The following AGAP1 variants were observed in gnomAD, a reference collection of about 807,000 sequenced individuals.
AGAP1 encodes the protein ArfGAP with GTPase domain, ankyrin repeat and PH domain 1.
In AGAP1, 29 loss-of-function variants were observed where a neutral mutation model predicts 105.3. That is an observed-to-expected ratio of 0.28 (90% CI 0.21 to 0.38). The LOEUF (loss-of-function observed/expected upper bound fraction) is 0.38. Among genes scored for constraint, AGAP1 ranks in the 10% least tolerant of loss-of-function variants. The pLI is 1.00. For synonymous variants in AGAP1, 509 were observed against 485.9 expected (o/e 1.05, Z -0.63); for missense variants, 998 against 1,165.1 (o/e 0.86, Z 2.09).
rs998048018 is a variant in AGAP1 at position 236,045,797 on chromosome 2, C to T, written c.1892-3262C>T. On this transcript the variant is annotated intron_variant, in intron 15 of 17. Coordinates refer to ENST00000304032, the MANE Select transcript of AGAP1 (RefSeq NM_001037131.3). The surrounding 1 kb of genome is among the most constrained non-coding windows in gnomAD (Gnocchi z 6.9). ...CAGTGGTGATGCTTAGATACCAACC[C>T]TTGCCGATGAGTCATTCTCTGCTGG... 7.8e-6 allele frequency: 3 copies of T among 385,316 alleles called. No individual in the cohort carries two copies. Among genetic ancestry groups the T allele is most frequent in the South Asian group, 3.8e-5 (2 of 52,248 alleles). The allele number at this position is 385,316 out of a possible 1,614,324, so 23.9% of individuals were successfully genotyped here.
chr2:236,108,626 G>A (rs899832254), intron 16 of AGAP1, among the ~76,000 whole-genome samples: 1 of 152,148 alleles, frequency 6.6e-6, no homozygotes, highest in African/African-American at 2.4e-5. Context: ...AGAGAGAGGG[G>A]GTTCCAATAA....
intron 13 of AGAP1, among the ~76,000 whole-genome samples, chr2:235,987,802 T>C (rs1311928895): frequency 6.6e-6 from 1 of 152,198 alleles, no homozygotes; most frequent in Non-Finnish European, 1.5e-5. Flanking sequence ...TCAATTTCCA[T>C]GTAACTGTGT....
chr2:236,021,283 CT>C (rs913984941), intron 13 of AGAP1, among the ~76,000 whole-genome samples: 3 of 152,062 alleles, frequency 2.0e-5, no homozygotes, highest in African/African-American at 7.2e-5. Flanking sequence ...TAGCCCCCTC[CT>C]TTTGAAAGGA....
chr2:235,886,191 G>A (rs1270342462), intron 10 of AGAP1, among the ~76,000 whole-genome samples: 1 of 152,238 alleles, frequency 6.6e-6, no homozygotes, highest in Non-Finnish European at 1.5e-5. Flanking sequence ...TATGGACCCT[G>A]TCAGAGAGCA....
rs540492741 is a variant in AGAP1 at position 235,908,570 on chromosome 2, A to G, written c.1156-168A>G. ...AAACTCTGATTTAAATATAATAATG[A>G]TGTTACCAGTACTCTATAGATAAAA... is the stretch of plus-strand genomic sequence containing the variant. On this transcript the variant is annotated intron_variant, in intron 10 of 17. Transcript: ENST00000304032. This position sits in a 1 kb window ranked among gnomAD's most constrained non-coding sequence, Gnocchi z 4.4. Among the ~76,000 whole-genome samples the G allele has an allele frequency of 3.9e-4, 59 of 152,206 alleles. No individual in the cohort carries two copies. The highest frequency in any genetic ancestry group is 1.4e-3 in the African/African-American group (58 of 41,524).
intron 9 of AGAP1, among the ~76,000 whole-genome samples, chr2:235,818,425 C>A (rs1319931661): frequency 6.6e-6 from 1 of 152,092 alleles, no homozygotes; most frequent in Non-Finnish European, 1.5e-5. Context: ...CATCTGTGCT[C>A]ACCATGACCG....
intron 1 of AGAP1, among the ~76,000 whole-genome samples, chr2:235,597,509 G>T (rs1198172807): frequency 6.6e-6 from 1 of 152,180 alleles, no homozygotes; most frequent in African/African-American, 2.4e-5. Context: ...ACCCTAAGGG[G>T]TGTCTCCAGC....
intron 1 of AGAP1, among the ~76,000 whole-genome samples, chr2:235,572,927 G>A (rs2149166709): frequency 6.6e-6 from 1 of 152,266 alleles, no homozygotes; most frequent in South Asian, 2.1e-4. Context: ...GAACGTGAAT[G>A]AGAAGCAGCA....
chr2:235,675,828 C>T (rs1313715387), intron 1 of AGAP1, among the ~76,000 whole-genome samples: 1 of 152,152 alleles, frequency 6.6e-6, no homozygotes, highest in Non-Finnish European at 1.5e-5. Flanking sequence ...CAGCATAGGT[C>T]ACCTGTTAAC....
At chr2:235,525,618 T>C (rs1942804400) in intron 1 of AGAP1, among the ~76,000 whole-genome samples, 1 of 145,704 alleles carries the variant, frequency 6.9e-6, no homozygotes, top group African/African-American at 2.5e-5. Flanking sequence ...AGGACTGATT[T>C]ATAAAGTAGA....
intron 1 of AGAP1, among the ~76,000 whole-genome samples, chr2:235,699,491 G>A (rs1343233089): frequency 1.3e-5 from 2 of 152,084 alleles, no homozygotes; most frequent in Non-Finnish European, 2.9e-5. Flanking sequence ...GAATTCTCAC[G>A]GGTTAAATGG....
rs970749834 is a variant in AGAP1 at position 235,752,024 on chromosome 2, G to A, written c.673+1536G>A. ...AGACTTGGAAGAACTGTGCAGGGAG[G>A]CCCTTAGAGCTCTTCTGAGAGGTGC... On this transcript the variant is annotated intron_variant, in intron 6 of 17. Coordinates refer to ENST00000304032, the MANE Select transcript of AGAP1 (RefSeq NM_001037131.3). This position sits in a 1 kb window ranked among gnomAD's most constrained non-coding sequence, Gnocchi z 4.3. Among the ~76,000 whole-genome samples, 15 of 152,308 alleles carry A rather than the reference G, an allele frequency of 9.8e-5. No homozygotes were observed. The highest frequency in any genetic ancestry group is 3.4e-3 in the Middle Eastern group (1 of 294).
intron 16 of AGAP1, among the ~76,000 whole-genome samples, chr2:236,091,499 G>A (rs529028042): frequency 6.6e-5 from 10 of 152,194 alleles, no homozygotes; most frequent in East Asian, 1.9e-4. Context: ...GGCCGGGCGC[G>A]GTGGCTCACT....
At chr2:235,820,286 G>A (rs1483296653) in intron 9 of AGAP1, among the ~76,000 whole-genome samples, 1 of 152,104 alleles carries the variant, frequency 6.6e-6, no homozygotes, top group Admixed American at 6.5e-5. Flanking sequence ...GTATTTTCAG[G>A]AACATTATAA....
intron 13 of AGAP1, among the ~76,000 whole-genome samples, chr2:236,025,103 T>A (rs773067935): frequency 3.3e-5 from 5 of 152,224 alleles, no homozygotes; most frequent in Non-Finnish European, 5.9e-5. Flanking sequence ...TTTTAATAGA[T>A]ATACCATCAG....
At chr2:236,118,871 G>C (rs1315674637) in intron 16 of AGAP1, among the ~76,000 whole-genome samples, 1 of 151,920 alleles carries the variant, frequency 6.6e-6, no homozygotes. Flanking sequence ...GCAGAGTCTT[G>C]AGTTTTCAGT....
chr2:235,685,116 G>C (rs565964901), intron 1 of AGAP1, among the ~76,000 whole-genome samples: 1 of 152,218 alleles, frequency 6.6e-6, no homozygotes, highest in Non-Finnish European at 1.5e-5. Flanking sequence ...GAATCCTGGT[G>C]CCCAGAGGGT....
chr2:235,946,598 GGAAACTAGAAACAATCTCAGTTCA>G (rs1196486289), intron 12 of AGAP1, among the ~76,000 whole-genome samples: 2 of 152,192 alleles, frequency 1.3e-5, no homozygotes, highest in Non-Finnish European at 2.9e-5. Flanking sequence ...CTCTCAGTGT[GGAAACTAGAAACAATCTCAGTTCA>G]GAAACTAGAA....
chr2:235,558,151 A>G (rs1006264238), intron 1 of AGAP1, among the ~76,000 whole-genome samples: 7 of 152,136 alleles, frequency 4.6e-5, no homozygotes, highest in African/African-American at 1.7e-4. Flanking sequence ...CCCGCAGGGT[A>G]TGCAGTACAC....
Sources: allele counts gnomAD v4.1 joint callset (sites outside exome capture counted in the v4.1 genomes callset), GRCh38; gene constraint gnomAD v4.1.1; non-coding constraint Gnocchi (gnomAD v3.1); transcripts MANE v1.5; gene names NCBI Gene and HGNC (gene_info 2026-07-23, HGNC 2026-07-21).